Variants in ACSS3 observed in about 807,000 individuals in gnomAD.
ACSS3 encodes acyl-CoA synthetase short chain family member 3.
A neutral mutation model predicts 84.2 loss-of-function variants in ACSS3; 64 were observed. That is an observed-to-expected ratio of 0.76 (90% CI 0.62 to 0.94). The LOEUF (loss-of-function observed/expected upper bound fraction) is 0.94, where lower values mean the gene tolerates loss of function less well. Ranked by LOEUF, ACSS3 falls within the 40% of genes least tolerant of loss-of-function variation. The probability of loss-of-function intolerance (pLI) is 0.00; values close to 1 mark genes in which losing one functional copy is unlikely to be tolerated. For missense variants in ACSS3, 815 were observed against 867.6 expected, an observed-to-expected ratio of 0.94 and a Z score of 0.76; for synonymous variants, 317 against 310.1, an observed-to-expected ratio of 1.02 and a Z score of -0.23.
intron 7 of ACSS3, among the ~76,000 whole-genome samples, chr12:81,166,625 G>C (rs1950255213): frequency 6.6e-6 from 1 of 152,222 alleles, no homozygotes; most frequent in South Asian, 2.1e-4. Flanking sequence ...AAGTGCTACA[G>C]AGAAAAGACT....
At chr12:81,194,216 G>C (rs1289569140) in intron 8 of ACSS3, among the ~76,000 whole-genome samples, 1 of 151,508 alleles carries the variant, frequency 6.6e-6, no homozygotes, top group African/African-American at 2.4e-5. Context: ...ACTTAGTGTA[G>C]TTTTGTTTAC....
intron 8 of ACSS3, among the ~76,000 whole-genome samples, chr12:81,194,129 C>T (rs1009156494): frequency 2.6e-5 from 4 of 150,994 alleles, no homozygotes; most frequent in African/African-American, 9.7e-5. Flanking sequence ...TACCTGATGC[C>T]TAAGATAACT....
chr12:81,235,316 A>AT (rs1411381495), intron 13 of ACSS3, among the ~76,000 whole-genome samples: 2 of 150,950 alleles, frequency 1.3e-5, no homozygotes, highest in East Asian at 1.9e-4. Flanking sequence ...TATTTAATAG[A>AT]TTTTTTTATG....
chr12:81,098,443 A>C (rs529346371), intron 1 of ACSS3, among the ~76,000 whole-genome samples: 9 of 152,242 alleles, frequency 5.9e-5, no homozygotes, highest in Admixed American at 3.9e-4. Context: ...GGAACTTAAC[A>C]CTTGTTTATA....
intron 13 of ACSS3, among the ~76,000 whole-genome samples, chr12:81,252,344 C>T (rs2034180510): frequency 6.6e-6 from 1 of 152,022 alleles, no homozygotes; most frequent in Admixed American, 6.6e-5. Flanking sequence ...CATCTTGAAG[C>T]AATACGCTAT....
intron 7 of ACSS3, among the ~76,000 whole-genome samples, chr12:81,160,453 T>A (rs974905144): frequency 2.6e-5 from 4 of 152,246 alleles, no homozygotes; most frequent in South Asian, 2.1e-4. Context: ...TTCTGAATGA[T>A]GGTACAGGAG....
At chr12:81,118,677 A>G (rs1236731465) in intron 2 of ACSS3, among the ~76,000 whole-genome samples, 4 of 152,202 alleles carry the variant, frequency 2.6e-5, no homozygotes, top group Non-Finnish European at 4.4e-5. Context: ...GTCCAGGGAA[A>G]TAAATAATAC....
At chr12:81,208,770 T>G (rs1409238674) in intron 9 of ACSS3, among the ~76,000 whole-genome samples, 1 of 152,082 alleles carries the variant, frequency 6.6e-6, no homozygotes, top group Non-Finnish European at 1.5e-5. Context: ...TCTCTCATTA[T>G]CTCCCTAAGT....
At chr12:81,205,257 C>T (rs2032296456) in intron 9 of ACSS3, among the ~76,000 whole-genome samples, 1 of 152,058 alleles carries the variant, frequency 6.6e-6, no homozygotes, top group South Asian at 2.1e-4. Context: ...TACCCTTATA[C>T]TATGTTATTA....
At chr12:81,217,617 C>A (rs779021320) in intron 10 of ACSS3, among the ~76,000 whole-genome samples, 2 of 152,060 alleles carry the variant, frequency 1.3e-5, no homozygotes, top group East Asian at 3.9e-4. Context: ...CCAAGGCAGA[C>A]GGATCACATG....
intron 8 of ACSS3, among the ~76,000 whole-genome samples, chr12:81,189,532 C>A (rs2031456338): frequency 6.6e-6 from 1 of 152,020 alleles, no homozygotes; most frequent in Non-Finnish European, 1.5e-5. Context: ...TTATTCAAGT[C>A]TTTTGCAAAT....
At chr12:81,147,087 C>A (rs1440323010) in intron 5 of ACSS3, among the ~76,000 whole-genome samples, 2 of 152,216 alleles carry the variant, frequency 1.3e-5, no homozygotes, top group Non-Finnish European at 1.5e-5. Flanking sequence ...AAGTGCTGAA[C>A]TGGTTGCACC....
chr12:81,236,976 A>G (rs114812509), intron 13 of ACSS3, among the ~76,000 whole-genome samples: 1,938 of 151,598 alleles, frequency 0.013, 42 homozygotes, highest in African/African-American at 0.045. Context: ...ATGAAAGTTT[A>G]AAAAATGATT....
chr12:81,241,563 G>C (rs2033805050), intron 13 of ACSS3, among the ~76,000 whole-genome samples: 1 of 152,180 alleles, frequency 6.6e-6, no homozygotes, highest in Non-Finnish European at 1.5e-5. Context: ...TTGTGGTTTT[G>C]ATTTGCATTT....
chr12:81,093,594 T>C (rs1188199376), intron 1 of ACSS3, among the ~76,000 whole-genome samples: 1 of 150,128 alleles, frequency 6.7e-6, no homozygotes, highest in Non-Finnish European at 1.5e-5. Context: ...TTAGGTATAG[T>C]TCCCTTCAGT....
chr12:81,101,832 G>A (rs1173448116), intron 1 of ACSS3, among the ~76,000 whole-genome samples: 2 of 150,522 alleles, frequency 1.3e-5, no homozygotes, highest in African/African-American at 5.0e-5. Context: ...ATAAGGTTGA[G>A]CATCTTTTTT....
At chr12:81,219,906 T>C in intron 10 of ACSS3, 107 bp from the exon 11 acceptor site, 1 of 612,330 alleles carries the variant, frequency 1.6e-6, no homozygotes, top group Non-Finnish European at 2.5e-6. Flanking sequence ...AATTAAAAGA[T>C]TACTCTCTTA....
intron 9 of ACSS3, among the ~76,000 whole-genome samples, chr12:81,216,649 CTTTCT>C (rs2032927013): frequency 6.6e-6 from 1 of 152,074 alleles, no homozygotes; most frequent in Admixed American, 6.6e-5. Context: ...CTAGAGCAGC[CTTTCT>C]TTTCTTTAGA....
At chr12:81,190,715 A>G (rs1021749507) in intron 8 of ACSS3, among the ~76,000 whole-genome samples, 1 of 152,046 alleles carries the variant, frequency 6.6e-6, no homozygotes, top group African/African-American at 2.4e-5. Context: ...ATTATTAAGG[A>G]AAATGATTTT....
Sources: gnomAD v4.1 joint callset for allele counts (sites outside exome capture counted in the v4.1 genomes callset) on GRCh38, gnomAD v4.1.1 for gene constraint, MANE v1.5 for transcripts, NCBI Gene and HGNC (gene_info 2026-07-23, HGNC 2026-07-21) for gene names.